RIC1: variants seen among roughly 807,000 people sequenced by gnomAD.
RIC1 encodes guanine nucleotide exchange factor subunit RIC1.
In RIC1, 88 loss-of-function variants were observed where a neutral mutation model predicts 169.0. That is an observed-to-expected ratio of 0.52 (90% CI 0.44 to 0.62). RIC1 has a LOEUF of 0.62. Ranked by LOEUF, RIC1 falls within the 20% of genes least tolerant of loss-of-function variation. The pLI is 0.00. For synonymous variants in RIC1, 790 were observed against 601.5 expected (o/e 1.31, Z -4.59); for missense variants, 1,877 against 1,725.5 (o/e 1.09, Z -1.56).
At chr9:5,741,886 T>G (rs1343374955) in intron 8 of RIC1, among the ~76,000 whole-genome samples, 1 of 152,172 alleles carries the variant, frequency 6.6e-6, no homozygotes, top group Non-Finnish European at 1.5e-5. Context: ...TGTGTAGCGC[T>G]TTGAGAACTG....
rs1827472565 is a variant in RIC1 at position 5,774,545 on chromosome 9, G to C, written c.*299G>C. On this transcript the variant is annotated 3_prime_UTR_variant, in exon 26 of 26. Transcript: ENST00000414202. Reference sequence around the variant, plus strand: ...TGGTAGCTCTTAAACCACAGGAATTGTTTTGCCCCAGGTGAGCTTACTTTT... The same window carrying C: ...TGGTAGCTCTTAAACCACAGGAATTCTTTTGCCCCAGGTGAGCTTACTTTT... 4.6e-6 allele frequency: 1 copy of C among 219,492 alleles called. No homozygotes were observed. The highest frequency in any genetic ancestry group is 2.3e-5 in the African/African-American group (1 of 44,046). 13.6% of individuals were successfully genotyped at this position (219,492 alleles called of 1,614,324 possible). A position where few individuals can be genotyped will look rare whatever the true frequency, so the allele number is the denominator to read the frequency against.
intron 1 of RIC1, among the ~76,000 whole-genome samples, chr9:5,642,303 C>T (rs543601862): frequency 6.9e-6 from 1 of 144,442 alleles, no homozygotes; most frequent in Admixed American, 6.7e-5. Context: ...TGCAAGCACC[C>T]CTGTTGCCAC....
intron 2 of RIC1, among the ~76,000 whole-genome samples, chr9:5,679,439 T>C (rs1417127874): frequency 2.0e-5 from 3 of 152,226 alleles, no homozygotes; most frequent in Admixed American, 6.5e-5. Context: ...GCAGTATGGC[T>C]ATTTTCACGA....
At chr9:5,762,930 G>A (rs568687979) in intron 18 of RIC1, among the ~76,000 whole-genome samples, 3 of 152,272 alleles carry the variant, frequency 2.0e-5, no homozygotes, top group African/African-American at 7.2e-5. Context: ...GACTGGTGAA[G>A]TTCATGGGGT....
intron 2 of RIC1, among the ~76,000 whole-genome samples, chr9:5,675,853 A>G (rs1029590994): frequency 1.3e-5 from 2 of 152,222 alleles, no homozygotes; most frequent in Admixed American, 6.5e-5. Context: ...AAATTATGCT[A>G]TTCATAATAT....
intron 1 of RIC1, among the ~76,000 whole-genome samples, chr9:5,637,602 A>T (rs1021088342): frequency 6.6e-6 from 1 of 151,892 alleles, no homozygotes; most frequent in African/African-American, 2.4e-5. Context: ...CTCCCTTCCT[A>T]TCCCCCCAGT....
In RIC1 at chr9:5,738,543, G is replaced by GTA; in HGVS notation, c.901+6_901+7insAT. 1.3e-5 allele frequency: 12 copies of GTA among 893,566 alleles called. No homozygotes were observed. The highest frequency in any genetic ancestry group is 3.7e-5 in the South Asian group (2 of 54,354). 55.4% of individuals were successfully genotyped at this position (893,566 alleles called of 1,614,324 possible). A position where few individuals can be genotyped will look rare whatever the true frequency, so the allele number is the denominator to read the frequency against. ...TAACAGCAAAACAGTATCCTGGTGA[G>GTA]TCTTTTTTTTTTTTTTTTTTTTTAA... On this transcript the variant is annotated splice_donor_region_variant and intron_variant, in intron 8 of 25. Transcript: ENST00000414202.
chr9:5,726,012 A>C (rs957947117), intron 6 of RIC1, among the ~76,000 whole-genome samples: 1 of 152,222 alleles, frequency 6.6e-6, no homozygotes, highest in Non-Finnish European at 1.5e-5. Context: ...TGTGGTGCTG[A>C]GAAGAATGTA....
chr9:5,631,622 G>C (rs1036291382), intron 1 of RIC1, among the ~76,000 whole-genome samples: 17 of 150,906 alleles, frequency 1.1e-4, no homozygotes, highest in African/African-American at 4.2e-4. Flanking sequence ...AAGAGGCAGA[G>C]GTTGCAGTGA....
At chr9:5,694,188 G>C (rs1821756240) in intron 3 of RIC1, among the ~76,000 whole-genome samples, 1 of 152,144 alleles carries the variant, frequency 6.6e-6, no homozygotes, top group Non-Finnish European at 1.5e-5. Context: ...CTAAAATCCA[G>C]CTTCTTTGCA....
At chr9:5,762,114 A>G (rs1344722940) in intron 17 of RIC1, among the ~76,000 whole-genome samples, 5 of 152,084 alleles carry the variant, frequency 3.3e-5, no homozygotes, top group Admixed American at 6.5e-5. Context: ...CACTTTCCCA[A>G]TAGTTCCATG....
rs1317336256 is a variant in RIC1, at chr9:5,776,335, TATC to T, written c.*2091_*2093del. ...TTTTTATTGTGGTGTTTGGTTCACA[TATC>T]AACTGTTTAAGCCATAATTTTAGCC... On this transcript the variant is annotated 3_prime_UTR_variant, in exon 26 of 26. Coordinates refer to ENST00000414202, the MANE Select transcript of RIC1 (RefSeq NM_020829.4). 1 of 152,158 alleles carries T rather than the reference TATC, an allele frequency of 6.6e-6. No individual in the cohort carries two copies. The highest frequency in any genetic ancestry group is 1.9e-4 in the East Asian group (1 of 5,202). 9.4% of individuals were successfully genotyped at this position (152,158 alleles called of 1,614,324 possible).
At chr9:5,767,701 C>T (rs1826886063) in intron 21 of RIC1, among the ~76,000 whole-genome samples, 1 of 152,168 alleles carries the variant, frequency 6.6e-6, no homozygotes, top group Non-Finnish European at 1.5e-5. Context: ...GATTCTTCTG[C>T]CTCAGCCTCC....
In RIC1 at chr9:5,763,571, C is replaced by T; in HGVS notation, c.2544C>T (p.Ala848=). 3 of 1,614,104 alleles carry T rather than the reference C, an allele frequency of 1.9e-6. No homozygotes were observed. Among genetic ancestry groups the T allele is most frequent in the African/African-American group, 2.7e-5 (2 of 75,032 alleles). Reference sequence around the variant, plus strand: ...TTGGGGAGCAAGCCTTGCTCTTGGCCCAGTCCTGTGCCACATTACCTTACT... The same window carrying T: ...TTGGGGAGCAAGCCTTGCTCTTGGCTCAGTCCTGTGCCACATTACCTTACT... ...RNLGEQALLL[A]QSCATLPYFP... Residue 848 remains alanine (A), a synonymous_variant, in exon 19 of 26, where the codon GCC becomes GCT. Coordinates refer to ENST00000414202, the MANE Select transcript of RIC1 (RefSeq NM_020829.4). The surrounding 1 kb of genome is among the most constrained non-coding windows in gnomAD (Gnocchi z 5.2).
chr9:5,737,493 CTCTT>C (rs1824787999), intron 7 of RIC1, among the ~76,000 whole-genome samples: 2 of 145,646 alleles, frequency 1.4e-5, no homozygotes, highest in Non-Finnish European at 3.2e-5. Context: ...TATACATTAA[CTCTT>C]TGTTGTATTT....
intron 17 of RIC1, among the ~76,000 whole-genome samples, chr9:5,761,512 A>AT: frequency 6.6e-6 from 1 of 151,426 alleles, no homozygotes; most frequent in Non-Finnish European, 1.5e-5. Flanking sequence ...ATTTTTTTTT[A>AT]TTTTTTCAAA....
chr9:5,746,134 C>T, intron 11 of RIC1, 51 bp downstream of exon 11: 1 of 1,459,620 alleles, frequency 6.9e-7, no homozygotes, highest in Non-Finnish European at 9.5e-7. Flanking sequence ...GTTAGAAGCT[C>T]AGACCCTTCT....
chr9:5,635,165 A>C (rs368774376), intron 1 of RIC1, among the ~76,000 whole-genome samples: 6 of 152,156 alleles, frequency 3.9e-5, no homozygotes, highest in African/African-American at 1.4e-4. Context: ...TTTTTTGAAG[A>C]GATGTGGTCT....
chr9:5,772,228 A>C (rs1287112587), intron 23 of RIC1, among the ~76,000 whole-genome samples: 1 of 152,162 alleles, frequency 6.6e-6, no homozygotes, highest in East Asian at 1.9e-4. Context: ...TGCTTATTAC[A>C]TCTCCATGGT....
Sources: gnomAD v4.1 joint callset for allele counts (sites outside exome capture counted in the v4.1 genomes callset) on GRCh38, gnomAD v4.1.1 for gene constraint, Gnocchi (gnomAD v3.1) non-coding constraint, MANE v1.5 for transcripts, NCBI Gene and HGNC (gene_info 2026-07-23, HGNC 2026-07-21) for gene names.